ETNK1: variants seen among roughly 807,000 people sequenced by gnomAD.
The protein encoded by ETNK1 is ethanolamine kinase 1.
A neutral mutation model predicts 45.1 loss-of-function variants in ETNK1; 8 were observed. That is an observed-to-expected ratio of 0.18 (90% CI 0.10 to 0.32). The LOEUF (loss-of-function observed/expected upper bound fraction) is 0.32, where lower values mean the gene tolerates loss of function less well. Ranked by LOEUF, ETNK1 falls within the 10% of genes least tolerant of loss-of-function variation. The probability of loss-of-function intolerance (pLI) is 1.00; values close to 1 mark genes in which losing one functional copy is unlikely to be tolerated. For synonymous variants in ETNK1, 152 were observed against 151.9 expected (o/e 1.00, Z -0.01); for missense variants, 302 against 430.6 (o/e 0.70, Z 2.64).
At position 22,689,497 on chromosome 12, in the gene ETNK1, AT is replaced by A. The variant is rs1327093088; in HGVS notation, c.*4546del. 4 of 152,002 alleles carry A rather than the reference AT, an allele frequency of 2.6e-5. No homozygotes were observed. The highest frequency in any genetic ancestry group is 5.9e-5 in the Non-Finnish European group (4 of 67,870). 9.4% of individuals were successfully genotyped at this position (152,002 alleles called of 1,614,324 possible). Reference sequence around the variant, plus strand: ...GGTTAACATCTTACCCATTTGTTGTATTTCAAATGCCATTAATCATTTTAGT... The same window carrying A: ...GGTTAACATCTTACCCATTTGTTGTATTCAAATGCCATTAATCATTTTAGT... On this transcript the variant is annotated 3_prime_UTR_variant, in exon 8 of 8. Coordinates refer to ENST00000266517, the MANE Select transcript of ETNK1 (RefSeq NM_018638.5).
chr12:22,686,704 C>CT lies in ETNK1; in HGVS notation c.*1753dup, dbSNP rs1325116758. 1 of 152,160 alleles carries CT rather than the reference C, an allele frequency of 6.6e-6. No individual in the cohort carries two copies. Among genetic ancestry groups the CT allele is most frequent in the Non-Finnish European group, 1.5e-5 (1 of 67,760 alleles). 9.4% of individuals were successfully genotyped at this position (152,160 alleles called of 1,614,324 possible). A position where few individuals can be genotyped will look rare whatever the true frequency, so the allele number is the denominator to read the frequency against. ...CCATATTACTGTAAGATCAATAGAA[C>CT]TTTGCCTAGTTAAGTGAATGGAACC... On this transcript the variant is annotated 3_prime_UTR_variant, in exon 8 of 8. Transcript: ENST00000266517.
At chr12:22,657,196 A>G (rs1399876776) in intron 2 of ETNK1, among the ~76,000 whole-genome samples, 1 of 152,228 alleles carries the variant, frequency 6.6e-6, no homozygotes, top group African/African-American at 2.4e-5. Context: ...ACATGAGTGT[A>G]TGGTCTTAGG....
rs540786214 is a variant in ETNK1, at chr12:22,683,265, T to C, written c.946-1218T>C. On this transcript the variant is annotated intron_variant, in intron 6 of 7. Transcript: ENST00000266517. Reference sequence around the variant, plus strand: ...GAAAGAAATTATATTCCTGTTCTTTTTTTTTTTTTAAGAGACAGTGTCTCA... The same window carrying C: ...GAAAGAAATTATATTCCTGTTCTTTCTTTTTTTTTAAGAGACAGTGTCTCA... 2.0e-5 allele frequency among the ~76,000 whole-genome samples: 3 copies of C among 152,100 alleles called. No individual in the cohort carries two copies. In the South Asian group the frequency reaches 6.2e-4, roughly 32 times the overall value.
intron 1 of ETNK1, among the ~76,000 whole-genome samples, chr12:22,636,929 C>T (rs1013995408): frequency 6.6e-6 from 1 of 152,118 alleles, no homozygotes; most frequent in Admixed American, 6.5e-5. Flanking sequence ...ATATAACAGG[C>T]TTGAGCATTT....
intron 2 of ETNK1, among the ~76,000 whole-genome samples, chr12:22,657,876 A>G (rs1953960252): frequency 1.3e-5 from 2 of 152,256 alleles, no homozygotes; most frequent in South Asian, 2.1e-4. Flanking sequence ...TAGGAATGAG[A>G]TAAAAACAAG....
intron 1 of ETNK1, 48 bp from the exon 2 acceptor site, chr12:22,643,715 A>G (rs1413728280): frequency 6.6e-7 from 1 of 1,506,590 alleles, no homozygotes; most frequent in Non-Finnish European, 9.0e-7. Flanking sequence ...TGTTCTCTAA[A>G]GATAGATAAT....
intron 4 of ETNK1, among the ~76,000 whole-genome samples, chr12:22,662,059 C>T (rs927376169): frequency 4.6e-4 from 2 of 4,380 alleles, no homozygotes; most frequent in Non-Finnish European, 9.9e-3. Context: ...TCCCCGCACC[C>T]CCCCCCCCTT....
At chr12:22,639,292 A>T (rs1399345553) in intron 1 of ETNK1, among the ~76,000 whole-genome samples, 2 of 151,986 alleles carry the variant, frequency 1.3e-5, no homozygotes, top group Non-Finnish European at 2.9e-5. Context: ...ACCCCAAGTG[A>T]TCCTCCTGGC....
At chr12:22,625,753 C>A in intron 1 of ETNK1, 167 bp downstream of exon 1, 4 of 1,011,686 alleles carry the variant, frequency 4.0e-6, no homozygotes, top group Non-Finnish European at 6.0e-6. Flanking sequence ...AGGAGGGTCA[C>A]TCCCCCTTCC....
intron 2 of ETNK1, among the ~76,000 whole-genome samples, chr12:22,647,986 T>C (rs1285573941): frequency 6.6e-6 from 1 of 151,954 alleles, no homozygotes; most frequent in Non-Finnish European, 1.5e-5. Flanking sequence ...AATTACCTTC[T>C]TATATATACA....
rs1954261741 is a variant in ETNK1, at chr12:22,686,533, A to G, written c.*1579A>G. On this transcript the variant is annotated 3_prime_UTR_variant, in exon 8 of 8. Coordinates refer to ENST00000266517, the MANE Select transcript of ETNK1 (RefSeq NM_018638.5). Reference sequence around the variant, plus strand: ...ATCTCAAGATTTTTGAAGCTAATAAAGTAAATAGAAACACAGGCCATTTTA... The same window carrying G: ...ATCTCAAGATTTTTGAAGCTAATAAGGTAAATAGAAACACAGGCCATTTTA... The G allele has an allele frequency of 6.6e-6, 1 of 152,406 alleles. No individual in the cohort carries two copies. Among genetic ancestry groups the G allele is most frequent in the African/African-American group, 2.4e-5 (1 of 41,434 alleles). The allele number at this position is 152,406 out of a possible 1,614,324, so 9.4% of individuals were successfully genotyped here.
chr12:22,634,809 C>T (rs1024819656), intron 1 of ETNK1, among the ~76,000 whole-genome samples: 1 of 152,148 alleles, frequency 6.6e-6, no homozygotes, highest in Non-Finnish European at 1.5e-5. Flanking sequence ...CTCACCTTGG[C>T]CTCCCAAAGT....
At chr12:22,684,718 G>A (rs547703505) in intron 7 of ETNK1, among the ~76,000 whole-genome samples, 162 bp downstream of exon 7, 9 of 152,116 alleles carry the variant, frequency 5.9e-5, no homozygotes, top group East Asian at 1.9e-4. Flanking sequence ...TTAAGTGCTC[G>A]CAGGATTAGA....
In ETNK1 at chr12:22,689,371, G is replaced by A. The variant is rs945218052; in HGVS notation, c.*4417G>A. On this transcript the variant is annotated 3_prime_UTR_variant, in exon 8 of 8. Coordinates refer to ENST00000266517, the MANE Select transcript of ETNK1 (RefSeq NM_018638.5). ...TTACTATACTACTGATGTAATAAAA[G>A]AGCAGGGTTAAAAATATTGTATCTG... The A allele has an allele frequency of 6.6e-6, 1 of 151,870 alleles. No individual in the cohort carries two copies. The highest frequency in any genetic ancestry group is 2.4e-5 in the African/African-American group (1 of 41,410). 9.4% of individuals were successfully genotyped at this position (151,870 alleles called of 1,614,324 possible).
At chr12:22,661,311 C>T (rs1001479800) in intron 4 of ETNK1, 106 bp downstream of exon 4, 11 of 843,190 alleles carry the variant, frequency 1.3e-5, no homozygotes, top group Admixed American at 6.2e-5. Context: ...GGAGTAAGAG[C>T]GTGCATGAAA....
rs965978890 is a variant in ETNK1 at position 22,686,916 on chromosome 12, G to C, written c.*1962G>C. 1 of 99,216 alleles carries C rather than the reference G, an allele frequency of 1.0e-5. No individual in the cohort carries two copies. Among genetic ancestry groups the C allele is most frequent in the Non-Finnish European group, 1.8e-5 (1 of 54,690 alleles). The allele number at this position is 99,216 out of a possible 1,614,324, so 6.1% of individuals were successfully genotyped here. ...TCTAAAGTGCAACAGTATATATCTT[G>C]TAGAACTGTGGGAGGAGAGAAGATA... On this transcript the variant is annotated 3_prime_UTR_variant, in exon 8 of 8. Coordinates refer to ENST00000266517, the MANE Select transcript of ETNK1 (RefSeq NM_018638.5).
At position 22,685,330 on chromosome 12, in the gene ETNK1, T is replaced by G. The variant is rs919438321; in HGVS notation, c.*376T>G. The G allele has an allele frequency of 6.3e-6, 1 of 158,100 alleles. No homozygotes were observed. Among genetic ancestry groups the G allele is most frequent in the African/African-American group, 2.4e-5 (1 of 41,638 alleles). 9.8% of individuals were successfully genotyped at this position (158,100 alleles called of 1,614,324 possible). ...AAGCAATGAAAATGTCCCAAATAAG[T>G]TTTTTAAGTTTTACTTTAATAAGAT... is the stretch of plus-strand genomic sequence containing the variant. On this transcript the variant is annotated 3_prime_UTR_variant, in exon 8 of 8. Coordinates refer to ENST00000266517, the MANE Select transcript of ETNK1 (RefSeq NM_018638.5).
At chr12:22,681,751 T>C (rs1220537004) in intron 6 of ETNK1, among the ~76,000 whole-genome samples, 1 of 152,098 alleles carries the variant, frequency 6.6e-6, no homozygotes, top group African/African-American at 2.4e-5. Flanking sequence ...CTTCTGCAAA[T>C]TTCTTTAATG....
At chr12:22,648,540 G>C (rs528589434) in intron 2 of ETNK1, among the ~76,000 whole-genome samples, 1 of 151,906 alleles carries the variant, frequency 6.6e-6, no homozygotes, top group South Asian at 2.1e-4. Flanking sequence ...TCTTTTTATG[G>C]CTTATTGGCA....
Sources: allele counts gnomAD v4.1 joint callset (sites outside exome capture counted in the v4.1 genomes callset), GRCh38; gene constraint gnomAD v4.1.1; transcripts MANE v1.5; gene names NCBI Gene and HGNC (gene_info 2026-07-23, HGNC 2026-07-21).